The following ASTN1 variants were observed in gnomAD, a reference collection of about 807,000 sequenced individuals.
The protein encoded by ASTN1 is astrotactin 1.
In ASTN1, 41 loss-of-function variants were observed where a neutral mutation model predicts 140.7. The observed-to-expected ratio is 0.29, with a 90% CI of 0.23 to 0.38. The LOEUF (loss-of-function observed/expected upper bound fraction) is 0.38, where lower values mean the gene tolerates loss of function less well. Ranked by LOEUF, ASTN1 falls within the 10% of genes least tolerant of loss-of-function variation. ASTN1 has a pLI of 1.00. For synonymous variants in ASTN1, 640 were observed against 652.2 expected (o/e 0.98, Z 0.29); for missense variants, 1,479 against 1,678.8 (o/e 0.88, Z 2.08).
intron 9 of ASTN1, among the ~76,000 whole-genome samples, chr1:176,964,125 C>T (rs951306116): frequency 2.0e-5 from 3 of 152,140 alleles, no homozygotes; most frequent in African/African-American, 7.2e-5. Flanking sequence ...GAGGCAAATG[C>T]AGGAGCAAAA....
At chr1:177,084,811 CT>C (rs146725322) in intron 1 of ASTN1, among the ~76,000 whole-genome samples, 36 of 149,990 alleles carry the variant, frequency 2.4e-4, no homozygotes, top group African/African-American at 4.9e-4. Flanking sequence ...TTACTGCCTT[CT>C]TTTTTTTTTC....
intron 2 of ASTN1, among the ~76,000 whole-genome samples, chr1:177,052,727 A>G (rs1017217053): frequency 1.3e-5 from 2 of 152,244 alleles, no homozygotes; most frequent in Non-Finnish European, 2.9e-5. Flanking sequence ...TCACCATGAC[A>G]GCATCTTGTA....
intron 2 of ASTN1, among the ~76,000 whole-genome samples, chr1:177,037,369 G>A (rs561130865): frequency 5.9e-5 from 9 of 152,248 alleles, no homozygotes; most frequent in African/African-American, 1.7e-4. Context: ...TGGATTCTCA[G>A]CTCCAAAAAG....
intron 1 of ASTN1, among the ~76,000 whole-genome samples, chr1:177,132,560 G>A (rs1250720242): frequency 6.6e-6 from 1 of 152,160 alleles, no homozygotes; most frequent in East Asian, 1.9e-4. Context: ...AGATAATCAT[G>A]TCAATGGAAC....
In ASTN1 at chr1:176,868,902, G is replaced by T; in HGVS notation, c.3589C>A (p.Gln1197Lys). The T allele has an allele frequency of 6.2e-7, 1 of 1,611,712 alleles. No homozygotes were observed. The highest frequency in any genetic ancestry group is 1.7e-4 in the Middle Eastern group (1 of 6,038). ...TLHRVLYHYN[Q>K]HYESFGEFTW... The stretch of plus-strand genomic sequence containing the variant: ...AATTCCCCAAAACTCTCATAGTGCT[G>T]GTTATAGTGGTAGAGGACCCGGTGT... The change falls in exon 22 of 23, where the codon CAG becomes AAG. Residue 1197 changes from glutamine (Q) to lysine (K), a missense_variant. Physicochemically the swap from Gln to Lys is moderately conservative, Grantham distance 53. Coordinates refer to ENST00000361833, the MANE Select transcript of ASTN1 (RefSeq NM_004319.3).
At chr1:177,036,684 C>G (rs571969911) in intron 2 of ASTN1, among the ~76,000 whole-genome samples, 73 of 152,110 alleles carry the variant, frequency 4.8e-4, no homozygotes, top group Non-Finnish European at 7.6e-4. Context: ...AAAATATAGG[C>G]CCACCACTAC....
intron 16 of ASTN1, among the ~76,000 whole-genome samples, chr1:176,920,689 C>T (rs1670688780): frequency 6.6e-6 from 1 of 152,220 alleles, no homozygotes; most frequent in Admixed American, 6.5e-5. Context: ...AGGGCTCAGC[C>T]ACACTGTCCT....
Position 176,861,828 on chromosome 1 carries a change from AG to A in ASTN1, c.*2455del. ...TAAAAGACAAAGATAAAGAAGGTAG[AG>A]GAACTTGGGAGACTGAGGGAAAGAT... On this transcript the variant is annotated 3_prime_UTR_variant, in exon 23 of 23. Coordinates refer to ENST00000361833, the MANE Select transcript of ASTN1 (RefSeq NM_004319.3). 1.0e-6 allele frequency: 1 copy of A among 985,434 alleles called. No individual in the cohort carries two copies. The highest frequency in any genetic ancestry group is 1.2e-6 in the Non-Finnish European group (1 of 829,944). 61.0% of individuals were successfully genotyped at this position (985,434 alleles called of 1,614,324 possible). A position where few individuals can be genotyped will look rare whatever the true frequency, so the allele number is the denominator to read the frequency against.
intron 17 of ASTN1, 81 bp downstream of exon 17, chr1:176,894,481 C>G: frequency 3.3e-6 from 5 of 1,531,536 alleles, no homozygotes; most frequent in Non-Finnish European, 4.4e-6. Flanking sequence ...CTCAACCACA[C>G]CCTGTCACTT....
At chr1:176,976,544 G>A (rs1358220629) in intron 8 of ASTN1, 2 of 152,252 alleles carry the variant, frequency 1.3e-5, no homozygotes, top group African/African-American at 4.8e-5. Context: ...TAGCTCTGAA[G>A]TCAGATAGAT....
At position 177,146,026 on chromosome 1, in the gene ASTN1, A is replaced by G. The variant is rs549070314; in HGVS notation, c.283+18368T>C. On this transcript the variant is annotated intron_variant, in intron 1 of 22. Transcript: ENST00000361833. Reference sequence around the variant, plus strand: ...TTGAAGCCAGAACTAAGAAATTTTTAAAATATTTACTAATCCATTTCATTA... The same window carrying G: ...TTGAAGCCAGAACTAAGAAATTTTTGAAATATTTACTAATCCATTTCATTA... Among the ~76,000 whole-genome samples the G allele has an allele frequency of 1.2e-3, 177 of 152,310 alleles. 1 individual carries two copies. Among genetic ancestry groups the G allele is most frequent in the Admixed American group, 1.8e-3 (28 of 15,298 alleles).
At chr1:177,090,048 C>T (rs1679671696) in intron 1 of ASTN1, among the ~76,000 whole-genome samples, 1 of 151,866 alleles carries the variant, frequency 6.6e-6, no homozygotes, top group Admixed American at 6.6e-5. Flanking sequence ...TCAATCAGTG[C>T]CACCGTCATC....
In ASTN1 at chr1:177,032,473, C is replaced by T. The variant is rs771416288; in HGVS notation, c.848G>A (p.Gly283Glu). The T allele has an allele frequency of 6.2e-7, 1 of 1,613,840 alleles. No individual in the cohort carries two copies. Among genetic ancestry groups the T allele is most frequent in the Non-Finnish European group, 8.5e-7 (1 of 1,179,956 alleles). The change falls in exon 3 of 23, where the codon GGG becomes GAG. Residue 283 changes from glycine to glutamate, a missense_variant. Coordinates refer to ENST00000361833, the MANE Select transcript of ASTN1 (RefSeq NM_004319.3). Reference sequence around the variant, plus strand: ...ATCCCCACCTGGTGTGAGGTCCATCCCCGACTTTTCATTGCAGCCCTGCAG... The same window carrying T: ...ATCCCCACCTGGTGTGAGGTCCATCTCCGACTTTTCATTGCAGCCCTGCAG... ...DSLQGCNEKS[G>E]MDLTPGSDNA...
At chr1:177,012,636 T>C (rs1396028970) in intron 8 of ASTN1, among the ~76,000 whole-genome samples, 2 of 152,212 alleles carry the variant, frequency 1.3e-5, no homozygotes, top group Non-Finnish European at 2.9e-5. Context: ...ACCTCAAACA[T>C]TTCCCCTGAG....
At chr1:177,080,781 T>C (rs1679140889) in intron 1 of ASTN1, among the ~76,000 whole-genome samples, 1 of 152,052 alleles carries the variant, frequency 6.6e-6, no homozygotes, top group Admixed American at 6.6e-5. Context: ...CAGACAGACG[T>C]GGTTAGACTC....
At chr1:177,041,000 G>A (rs750445684) in intron 2 of ASTN1, among the ~76,000 whole-genome samples, 1 of 152,150 alleles carries the variant, frequency 6.6e-6, no homozygotes, top group African/African-American at 2.4e-5. Flanking sequence ...GCAAAGGAGT[G>A]CATTTGTCTG....
intron 14 of ASTN1, among the ~76,000 whole-genome samples, chr1:176,936,809 G>A (rs900944670): frequency 2.6e-5 from 4 of 152,158 alleles, no homozygotes; most frequent in African/African-American, 9.7e-5. Context: ...TAAAGCGAGA[G>A]GCTTAACTGA....
At chr1:176,995,003 A>C (rs1674369715) in intron 8 of ASTN1, among the ~76,000 whole-genome samples, 1 of 152,206 alleles carries the variant, frequency 6.6e-6, no homozygotes. Flanking sequence ...AGTAAAGAAC[A>C]CCATGCCAAA....
chr1:176,992,068 G>A (rs936111960), intron 8 of ASTN1, among the ~76,000 whole-genome samples: 6 of 152,160 alleles, frequency 3.9e-5, no homozygotes, highest in East Asian at 1.9e-4. Flanking sequence ...ATTCAAAGTC[G>A]TTAGTATGGT....
Sources: gnomAD v4.1 joint callset for allele counts (sites outside exome capture counted in the v4.1 genomes callset) on GRCh38, gnomAD v4.1.1 for gene constraint, MANE v1.5 for transcripts, NCBI Gene and HGNC (gene_info 2026-07-23, HGNC 2026-07-21) for gene names.